MPC2: variants seen among roughly 807,000 people sequenced by gnomAD.
MPC2 encodes the protein mitochondrial pyruvate carrier 2.
A neutral mutation model predicts 19.2 loss-of-function variants in MPC2; 19 were observed. The ratio of observed to expected loss-of-function variants is 0.99; its 90% CI spans 0.69 to 1.45. MPC2 has a LOEUF of 1.45. Among genes scored for constraint, MPC2 ranks in the 40% most tolerant of loss-of-function variants. The pLI is 0.00. For missense variants in MPC2, 122 were observed against 153.0 expected, an observed-to-expected ratio of 0.80 and a Z score of 1.07; for synonymous variants, 61 against 54.3, an observed-to-expected ratio of 1.12 and a Z score of -0.54.
At chr1:167,921,240 TTTTA>T (rs1670593370) in intron 3 of MPC2, among the ~76,000 whole-genome samples, 1 of 152,072 alleles carries the variant, frequency 6.6e-6, no homozygotes, top group Non-Finnish European at 1.5e-5. Flanking sequence ...ATTTTTTTTT[TTTTA>T]GACAGTCTCA....
rs1264157002 is a variant in MPC2 at position 167,929,050 on chromosome 1, C to A, written c.110-4513G>T. Among the ~76,000 whole-genome samples, 5 of 152,156 alleles carry A rather than the reference C, an allele frequency of 3.3e-5. No homozygotes were observed. The East Asian group carries it at 7.7e-4, about 23-fold the overall frequency. On this transcript the variant is annotated intron_variant, in intron 2 of 5. Coordinates refer to ENST00000271373, the MANE Select transcript of MPC2 (RefSeq NM_001143674.4). The stretch of plus-strand genomic sequence containing the variant: ...ATGCTGACAATTTAGAAACATTAAA[C>A]AAGTATTTAAAATGTCTATACATTT...
chr1:167,925,600 G>A (rs1311187920), intron 2 of MPC2, among the ~76,000 whole-genome samples: 8 of 144,418 alleles, frequency 5.5e-5, no homozygotes, highest in Non-Finnish European at 1.2e-4. Context: ...AGGCTGGAGT[G>A]CAATGGCACA....
In MPC2 at chr1:167,925,460, TATATATATATATATAC is replaced by T. The variant is rs1463443307; in HGVS notation, c.110-939_110-924del. ...ATATACACATATATATATATATATA[TATATATATATATATAC>T]ATATACATATACACACACATATATA... On this transcript the variant is annotated intron_variant, in intron 2 of 5. Transcript: ENST00000271373. 5.2e-3 allele frequency among the ~76,000 whole-genome samples: 603 copies of T among 115,238 alleles called. 4 individuals are homozygous for T. The highest frequency in any genetic ancestry group is 0.021 in the African/African-American group (549 of 26,102). The allele number at this position is 115,238 out of a possible 152,430, so 75.6% of individuals were successfully genotyped here. A position where few individuals can be genotyped will look rare whatever the true frequency, so the allele number is the denominator to read the frequency against.
At chr1:167,929,112 CGTT>C (rs1195958123) in intron 2 of MPC2, among the ~76,000 whole-genome samples, 4 of 150,236 alleles carry the variant, frequency 2.7e-5, no homozygotes, top group African/African-American at 9.8e-5. Context: ...TAATCCCAGC[CGTT>C]TGGGAGGCGG....
intron 3 of MPC2, among the ~76,000 whole-genome samples, chr1:167,921,039 A>G (rs1350168847): frequency 6.6e-6 from 1 of 152,166 alleles, no homozygotes. Flanking sequence ...GGTCATTTGT[A>G]TAGATTCTTC....
rs557204223 is a variant in MPC2, at chr1:167,935,222, A to C, written c.109+511T>G. ...CTGGACCTATGGGATGAGAAATGAC[A>C]CTGACTCAAGCCTGGATGAAGTAAA... On this transcript the variant is annotated intron_variant, in intron 2 of 5. Transcript: ENST00000271373. Among the ~76,000 whole-genome samples, 3 of 152,212 alleles carry C rather than the reference A, an allele frequency of 2.0e-5. No individual in the cohort carries two copies. In the South Asian group the frequency reaches 6.2e-4, roughly 31 times the overall value.
rs1297675747 is a variant in MPC2, at chr1:167,920,411, T to A, written c.235+136A>T. On this transcript the variant is annotated intron_variant, in intron 4 of 5. Transcript: ENST00000271373. ...ACTCCTCCATCCATAACTTAATAAC[T>A]TCCTAGACATAATACTGTTAATTCC... The A allele has an allele frequency of 5.4e-6, 5 of 923,412 alleles. 1 individual carries two copies. The highest frequency in any genetic ancestry group is 8.0e-6 in the Non-Finnish European group (5 of 624,388). 57.2% of individuals were successfully genotyped at this position (923,412 alleles called of 1,614,324 possible).
chr1:167,930,483 A>G (rs1670876483), intron 2 of MPC2, among the ~76,000 whole-genome samples: 1 of 152,206 alleles, frequency 6.6e-6, no homozygotes, highest in African/African-American at 2.4e-5. Context: ...CCTAAATCCT[A>G]ATCTAACAAT....
chr1:167,936,894 C>T, intron 1 of MPC2, 45 bp downstream of exon 1: 3 of 1,580,642 alleles, frequency 1.9e-6, no homozygotes, highest in Non-Finnish European at 2.6e-6. Context: ...TCCCCTCCCA[C>T]CCGGCTCAGG....
intron 2 of MPC2, among the ~76,000 whole-genome samples, chr1:167,926,477 T>C (rs1670757543): frequency 6.6e-6 from 1 of 152,180 alleles, no homozygotes; most frequent in South Asian, 2.1e-4. Flanking sequence ...AAGGGGAATA[T>C]AAAAGAAAAC....
chr1:167,924,372 T>C, intron 3 of MPC2, 125 bp downstream of exon 3: 1 of 700,118 alleles, frequency 1.4e-6, no homozygotes, highest in Non-Finnish European at 2.3e-6. Flanking sequence ...ATATTTGCCA[T>C]GAAATCATCT....
intron 2 of MPC2, among the ~76,000 whole-genome samples, chr1:167,931,146 G>A (rs1309647707): frequency 3.3e-5 from 5 of 152,144 alleles, no homozygotes; most frequent in African/African-American, 4.8e-5. Flanking sequence ...TGGCCAGGCT[G>A]GTCTCGAACT....
chr1:167,920,033 G>A lies in MPC2; in HGVS notation c.293C>T (p.Ala98Val), dbSNP rs376267824. 6.2e-7 allele frequency: 1 copy of A among 1,613,358 alleles called. No homozygotes were observed. The highest frequency in any genetic ancestry group is 8.5e-7 in the Non-Finnish European group (1 of 1,179,656). ...VIIPKNWSLF[A>V]VNFFVGAAGA... is the part of the protein sequence containing the mutation. The stretch of plus-strand genomic sequence containing the variant: ...TGCTGCCCCCACAAAGAAATTAACA[G>A]CAAACAGACTCCAATTTTTTGGAAT... Residue 98 changes from alanine (A) to valine (V), a missense_variant, in exon 5 of 6, where the codon GCT becomes GTT. By Grantham distance (64) the Ala-to-Val change is moderately conservative. Transcript: ENST00000271373.
At chr1:167,921,947 G>A (rs1263549312) in intron 3 of MPC2, among the ~76,000 whole-genome samples, 1 of 152,134 alleles carries the variant, frequency 6.6e-6, no homozygotes, top group Non-Finnish European at 1.5e-5. Context: ...TTTATGATTA[G>A]TTATGTGGTT....
chr1:167,920,704 C>A (rs770114776), intron 3 of MPC2, 73 bp from the exon 4 acceptor site: 26 of 1,434,734 alleles, frequency 1.8e-5, no homozygotes, highest in Non-Finnish European at 2.3e-5. Flanking sequence ...AAATCAAGCA[C>A]AAGACATTTT....
intron 5 of MPC2, among the ~76,000 whole-genome samples, chr1:167,919,331 G>A (rs536952627): frequency 9.2e-5 from 14 of 152,214 alleles, no homozygotes; most frequent in Non-Finnish European, 1.8e-4. Flanking sequence ...AGCTTATAAT[G>A]GAATGGAGAG....
chr1:167,935,635 G>A (rs1373877609), intron 2 of MPC2, 98 bp downstream of exon 2: 7 of 935,526 alleles, frequency 7.5e-6, no homozygotes, highest in African/African-American at 1.6e-5. Flanking sequence ...TGGGGCTGTG[G>A]ATGCCTCTAG....
At chr1:167,919,725 C>G (rs973595755) in intron 5 of MPC2, among the ~76,000 whole-genome samples, 7 of 152,104 alleles carry the variant, frequency 4.6e-5, no homozygotes, top group Admixed American at 1.3e-4. Flanking sequence ...AACTAGGTAA[C>G]ATACTGCTTA....
intron 2 of MPC2, among the ~76,000 whole-genome samples, chr1:167,935,043 G>A (rs983188696): frequency 6.6e-6 from 1 of 151,996 alleles, no homozygotes; most frequent in Non-Finnish European, 1.5e-5. Flanking sequence ...CATTCTCATA[G>A]ACCGCGTATT....
Sources: allele counts gnomAD v4.1 joint callset (sites outside exome capture counted in the v4.1 genomes callset), GRCh38; gene constraint gnomAD v4.1.1; transcripts MANE v1.5; gene names NCBI Gene and HGNC (gene_info 2026-07-23, HGNC 2026-07-21).